Variants in KIF18A observed in about 807,000 individuals in gnomAD.
The protein encoded by KIF18A is kinesin family member 18A.
KIF18A carries 67 observed loss-of-function variants against 103.3 expected under a neutral mutation model. That is an observed-to-expected ratio of 0.65 (90% confidence interval 0.53 to 0.79). The LOEUF (loss-of-function observed/expected upper bound fraction) is 0.79, where lower values mean the gene tolerates loss of function less well. Among genes scored for constraint, KIF18A ranks in the 30% least tolerant of loss-of-function variants. The pLI is 0.00. For missense variants in KIF18A, 1,032 were observed against 1,062.5 expected, an observed-to-expected ratio of 0.97 and a Z score of 0.40; for synonymous variants, 367 against 355.5, an observed-to-expected ratio of 1.03 and a Z score of -0.36.
At chr11:28,062,112 A>C (rs1005661212) in intron 12 of KIF18A, among the ~76,000 whole-genome samples, 1 of 152,112 alleles carries the variant, frequency 6.6e-6, no homozygotes, top group Non-Finnish European at 1.5e-5. Flanking sequence ...TAGAAGGCAG[A>C]TTTCTTTTCA....
At chr11:28,073,149 T>C (rs1851042576) in intron 10 of KIF18A, among the ~76,000 whole-genome samples, 1 of 152,084 alleles carries the variant, frequency 6.6e-6, no homozygotes, top group Non-Finnish European at 1.5e-5. Flanking sequence ...TCCAGTCCAT[T>C]CATTGTGGTT....
In KIF18A at chr11:28,032,278, A is replaced by G. The variant is rs377405722; in HGVS notation, c.2504+3109T>C. On this transcript the variant is annotated intron_variant, in intron 15 of 16. Transcript: ENST00000263181. ...GGATTGGAAGAATCAATATTGTTAA[A>G]ATGTCCACACTACTCACAGTGGTCT... Among the ~76,000 whole-genome samples the G allele has an allele frequency of 2.6e-5, 4 of 151,994 alleles. No individual in the cohort carries two copies. In the East Asian group the frequency reaches 5.8e-4, roughly 22 times the overall value.
chr11:28,090,032 C>T (rs899316323), intron 5 of KIF18A, among the ~76,000 whole-genome samples: 2 of 152,136 alleles, frequency 1.3e-5, no homozygotes, highest in Non-Finnish European at 2.9e-5. Flanking sequence ...TCAACTATAA[C>T]AATTTCTTTC....
chr11:28,060,124 C>A (rs948942990), intron 12 of KIF18A, among the ~76,000 whole-genome samples: 3 of 152,138 alleles, frequency 2.0e-5, no homozygotes, highest in African/African-American at 7.2e-5. Context: ...TGTATCAGAC[C>A]TCTGTGTAAG....
At chr11:28,023,921 A>G in intron 15 of KIF18A, 71 bp from the exon 16 acceptor site, 1 of 643,898 alleles carries the variant, frequency 1.6e-6, no homozygotes, top group Non-Finnish European at 2.7e-6. Flanking sequence ...CATATTGTAC[A>G]TGCGACAATG....
intron 9 of KIF18A, among the ~76,000 whole-genome samples, chr11:28,080,001 C>A (rs2133549903): frequency 1.3e-5 from 2 of 152,166 alleles, no homozygotes; most frequent in South Asian, 4.1e-4. Context: ...GACAGATGTT[C>A]ATTCAAATAA....
At position 28,100,504 on chromosome 11, in the gene KIF18A, T is replaced by C. The variant is rs143979900; in HGVS notation, c.-46-2511A>G. Among the ~76,000 whole-genome samples, 691 of 131,368 alleles carry C rather than the reference T, an allele frequency of 5.3e-3. 6 individuals carry two copies. The highest frequency in any genetic ancestry group is 0.019 in the African/African-American group (651 of 34,858). The allele number at this position is 131,368 out of a possible 152,430, so 86.2% of individuals were successfully genotyped here. ...AAAAAACCCGAAAGGAGAAGATCCA[T>C]AGACAAGGTATATGGAAAGGACTGT... On this transcript the variant is annotated intron_variant, in intron 1 of 16. Coordinates refer to ENST00000263181, the MANE Select transcript of KIF18A (RefSeq NM_031217.4).
chr11:28,081,202 C>T (rs987898808), intron 9 of KIF18A, among the ~76,000 whole-genome samples: 2 of 152,194 alleles, frequency 1.3e-5, no homozygotes, highest in African/African-American at 4.8e-5. Context: ...AGCAAGTTAT[C>T]GAGAAAATTT....
rs1329131083 is a variant in KIF18A at position 28,021,116 on chromosome 11, A to T, written c.*84T>A. The T allele has an allele frequency of 1.6e-6, 2 of 1,268,194 alleles. No homozygotes were observed. The highest frequency in any genetic ancestry group is 7.9e-5 in the Admixed American group (2 of 25,310). The allele number at this position is 1,268,194 out of a possible 1,614,324, so 78.6% of individuals were successfully genotyped here. On this transcript the variant is annotated 3_prime_UTR_variant, in exon 17 of 17. Transcript: ENST00000263181. The stretch of plus-strand genomic sequence containing the variant: ...CTTTAAGATGGGTCTTCTTTCAAAG[A>T]TTTTAAATATATTTTTGAAAGGGTA...
intron 5 of KIF18A, among the ~76,000 whole-genome samples, chr11:28,090,242 T>G (rs936453016): frequency 3.9e-5 from 6 of 152,180 alleles, no homozygotes; most frequent in South Asian, 4.1e-4. Context: ...GTCCTTATGG[T>G]GAAATCTTTT....
At chr11:28,056,860 G>A (rs377603723) in intron 13 of KIF18A, 133 of 269,082 alleles carry the variant, frequency 4.9e-4, no homozygotes, top group Admixed American at 7.5e-4. Context: ...ACACATTTGA[G>A]CCAAATGTCC....
chr11:28,025,542 G>A (rs1439896063), intron 15 of KIF18A, among the ~76,000 whole-genome samples: 1 of 151,742 alleles, frequency 6.6e-6, no homozygotes, highest in African/African-American at 2.4e-5. Flanking sequence ...TGAAAATTAG[G>A]CTTTTGAATA....
rs759972814 is a variant in KIF18A at position 28,077,020 on chromosome 11, T to C, written c.1412A>G (p.Asp471Gly). 5.9e-6 allele frequency: 9 copies of C among 1,519,386 alleles called. No individual in the cohort carries two copies. The Middle Eastern group carries it at 6.0e-4, about 101-fold the overall frequency. The allele number at this position is 1,519,386 out of a possible 1,614,324, so 94.1% of individuals were successfully genotyped here. A position where few individuals can be genotyped will look rare whatever the true frequency, so the allele number is the denominator to read the frequency against. Residue 471 changes from aspartate to glycine, a missense_variant, in exon 10 of 17, where the codon GAC (aspartate) becomes GGC (glycine). Transcript: ENST00000263181. ...ATTGTTAATTACCTTTTCTACTTTG[T>C]CTTCAGAACACATCATTTCTATTTG... The part of the protein sequence containing the change: ...HKQIEMMCSE[D>G]KVEKATGKRD...
intron 1 of KIF18A, among the ~76,000 whole-genome samples, chr11:28,105,527 C>T (rs749755800): frequency 6.6e-6 from 1 of 152,074 alleles, no homozygotes; most frequent in Non-Finnish European, 1.5e-5. Context: ...CGTCTATCAC[C>T]ATTGATGCTG....
At chr11:28,042,354 T>C (rs969339473) in intron 13 of KIF18A, among the ~76,000 whole-genome samples, 3 of 152,054 alleles carry the variant, frequency 2.0e-5, no homozygotes, top group Admixed American at 2.0e-4. Flanking sequence ...CTACTGTCTC[T>C]GCATATTCAT....
chr11:28,093,156 A>G (rs1851325742), intron 3 of KIF18A, among the ~76,000 whole-genome samples: 1 of 152,216 alleles, frequency 6.6e-6, no homozygotes, highest in Non-Finnish European at 1.5e-5. Flanking sequence ...AAAAATAAAA[A>G]TTGTGAAAAT....
chr11:28,093,895 T>C (rs1235829828), intron 3 of KIF18A, among the ~76,000 whole-genome samples: 1 of 152,182 alleles, frequency 6.6e-6, no homozygotes, highest in Non-Finnish European at 1.5e-5. Context: ...TCTACATACA[T>C]AGTACTTACT....
At chr11:28,082,524 G>A (rs1030228025) in intron 9 of KIF18A, among the ~76,000 whole-genome samples, 6 of 152,044 alleles carry the variant, frequency 3.9e-5, no homozygotes, top group Non-Finnish European at 7.4e-5. Flanking sequence ...TTAAAGCAAG[G>A]CATTATCTTT....
intron 15 of KIF18A, among the ~76,000 whole-genome samples, chr11:28,029,371 C>T (rs1850365096): frequency 6.6e-6 from 1 of 152,118 alleles, no homozygotes; most frequent in South Asian, 2.1e-4. Context: ...AAGGCTGGTT[C>T]AATATACGCA....
Sources: gnomAD v4.1 joint callset for allele counts (sites outside exome capture counted in the v4.1 genomes callset) on GRCh38, gnomAD v4.1.1 for gene constraint, MANE v1.5 for transcripts, NCBI Gene and HGNC (gene_info 2026-07-23, HGNC 2026-07-21) for gene names.